The following PPP1R7 variants were observed in gnomAD, a reference collection of about 807,000 sequenced individuals.
The protein encoded by PPP1R7 is protein phosphatase 1 regulatory subunit 22.
In PPP1R7, 18 loss-of-function variants were observed where a neutral mutation model predicts 45.2. The observed-to-expected ratio is 0.40, with a 90% confidence interval of 0.28 to 0.59. PPP1R7 has a LOEUF of 0.59. PPP1R7 is among the 20% of genes least tolerant of loss of function. The probability of loss-of-function intolerance (pLI) is 0.46; values close to 1 mark genes in which losing one functional copy is unlikely to be tolerated. For missense variants in PPP1R7, 314 were observed against 455.8 expected (o/e 0.69, Z 2.83); for synonymous variants, 181 against 183.4 (o/e 0.99, Z 0.11).
chr2:241,183,159 G>A lies in PPP1R7; in HGVS notation c.*336G>A, dbSNP rs2068037456. The A allele has an allele frequency of 7.6e-6, 3 of 397,106 alleles. No individual in the cohort carries two copies. Among genetic ancestry groups the A allele is most frequent in the Non-Finnish European group, 1.5e-5 (3 of 206,314 alleles). 24.6% of individuals were successfully genotyped at this position (397,106 alleles called of 1,614,324 possible). On this transcript the variant is annotated 3_prime_UTR_variant, in exon 10 of 10. Coordinates refer to ENST00000234038, the MANE Select transcript of PPP1R7 (RefSeq NM_002712.3). ...CTACCTGAGTCGTGTGAAACACAGG[G>A]CCTGAGAGTGCTTTACAGGCATTCA...
intron 9 of PPP1R7, among the ~76,000 whole-genome samples, chr2:241,179,677 C>T (rs1237009725): frequency 6.6e-6 from 1 of 152,202 alleles, no homozygotes; most frequent in African/African-American, 2.4e-5. Context: ...GTGTGCAGAA[C>T]TTGATAAGAG....
At chr2:241,150,359 C>G, upstream of PPP1R7, 8 of 1,347,084 alleles carry the variant, frequency 5.9e-6, no homozygotes, top group Non-Finnish European at 6.7e-6. Context: ...TCCCATGAGG[C>G]GCTGGGCCCA....
At chr2:241,177,515 G>C (rs2067928463) in intron 9 of PPP1R7, among the ~76,000 whole-genome samples, 1 of 152,182 alleles carries the variant, frequency 6.6e-6, no homozygotes, top group African/African-American at 2.4e-5. Flanking sequence ...TATGTATTTT[G>C]CATGATGAAA....
At chr2:241,159,673 G>C (rs1312371520) in intron 5 of PPP1R7, among the ~76,000 whole-genome samples, 2 of 152,148 alleles carry the variant, frequency 1.3e-5, no homozygotes, top group East Asian at 3.9e-4. Flanking sequence ...ATCCAGAATT[G>C]CCTCTTGCCT....
chr2:241,149,713 G>A, upstream of PPP1R7: 1 of 1,550,772 alleles, frequency 6.4e-7, no homozygotes, highest in Non-Finnish European at 8.7e-7. Flanking sequence ...AAATGGGTGA[G>A]TAGCGCAGAG....
chr2:241,158,756 G>T (rs1011459417), intron 4 of PPP1R7: 1 of 555,516 alleles, frequency 1.8e-6, no homozygotes, highest in Non-Finnish European at 3.2e-6. Flanking sequence ...CCTGGGGCTG[G>T]CTCTCCTGAG....
chr2:241,175,329 A>G (rs550267922), intron 9 of PPP1R7, among the ~76,000 whole-genome samples: 2 of 152,292 alleles, frequency 1.3e-5, no homozygotes, highest in East Asian at 3.9e-4. Context: ...CCATTAAACA[A>G]TAACTCCCTA....
chr2:241,160,210 T>C (rs2125488825), intron 5 of PPP1R7, 122 bp from the exon 6 acceptor site: 5 of 379,070 alleles, frequency 1.3e-5, no homozygotes, highest in Non-Finnish European at 1.5e-5. Flanking sequence ...CCCCCCACCC[T>C]CTCCCACCCG....
At chr2:241,160,232 C>T (rs1349122746) in intron 5 of PPP1R7, 100 bp from the exon 6 acceptor site, 6 of 926,752 alleles carry the variant, frequency 6.5e-6, no homozygotes, top group Non-Finnish European at 9.5e-6. Flanking sequence ...TAGTGACTGC[C>T]GTCCCCTGAT....
chr2:241,158,904 G>A (rs1575387050), intron 4 of PPP1R7: 1 of 416,576 alleles, frequency 2.4e-6, no homozygotes, highest in Non-Finnish European at 4.4e-6. Flanking sequence ...AGGTTCTTAT[G>A]TTCTGCCAGG....
At chr2:241,166,529 C>T (rs996130075) in intron 8 of PPP1R7, 88 bp downstream of exon 8, 16 of 1,111,328 alleles carry the variant, frequency 1.4e-5, no homozygotes, top group Admixed American at 1.0e-4. Context: ...ACTGGCCTCT[C>T]GGGCCGGTGT....
upstream of PPP1R7, chr2:241,149,900 G>A: frequency 1.4e-6 from 2 of 1,438,512 alleles, no homozygotes; most frequent in Non-Finnish European, 9.1e-7. Context: ...CCCCACCAGC[G>A]CAAGTGCCCC....
intron 9 of PPP1R7, among the ~76,000 whole-genome samples, chr2:241,176,945 A>G (rs1471641842): frequency 6.6e-6 from 1 of 152,134 alleles, no homozygotes; most frequent in Non-Finnish European, 1.5e-5. Flanking sequence ...AAAATACCAC[A>G]TGCAGCTGGG....
chr2:241,166,650 C>T (rs1189931195), intron 8 of PPP1R7, among the ~76,000 whole-genome samples: 2 of 152,208 alleles, frequency 1.3e-5, no homozygotes, highest in African/African-American at 4.8e-5. Flanking sequence ...GCCTGTTGGC[C>T]CTCTGCCCTG....
chr2:241,174,727 T>G (rs992521355), intron 9 of PPP1R7, among the ~76,000 whole-genome samples: 2 of 151,348 alleles, frequency 1.3e-5, no homozygotes, highest in Non-Finnish European at 2.9e-5. Flanking sequence ...CAGGCTGGAG[T>G]GCAGTGGCGC....
rs569147060 is a variant in PPP1R7, at chr2:241,159,486, C to G, written c.434+143C>G. On this transcript the variant is annotated intron_variant, in intron 5 of 9. Transcript: ENST00000234038. ...CAGGGTCCTGCCCTGCATCTGAATC[C>G]CAAGTCTCTGCCTCCTGTTTTCAGG... 102 of 1,089,376 alleles carry G rather than the reference C, an allele frequency of 9.4e-5. 1 individual carries two copies. The Admixed American group carries it at 1.0e-3, about 11-fold the overall frequency. 67.5% of individuals were successfully genotyped at this position (1,089,376 alleles called of 1,614,324 possible).
At chr2:241,168,601 G>T (rs1231956634) in intron 8 of PPP1R7, among the ~76,000 whole-genome samples, 1 of 152,222 alleles carries the variant, frequency 6.6e-6, no homozygotes, top group Non-Finnish European at 1.5e-5. Flanking sequence ...CTGATACTCT[G>T]TGAGCAGACC....
chr2:241,157,829 C>T lies in PPP1R7; in HGVS notation c.204C>T (p.Asp68=). 1 of 1,614,074 alleles carries T rather than the reference C, an allele frequency of 6.2e-7. No individual in the cohort carries two copies. The highest frequency in any genetic ancestry group is 8.5e-7 in the Non-Finnish European group (1 of 1,179,918). ...DPEEEHELPV[D]METINLDRDA... is the part of the protein sequence containing the mutation. ...CAGAAGAACATGAGCTGCCTGTGGA[C>T]ATGGAAACCATCAACCTGGACAGAG... is the stretch of plus-strand genomic sequence containing the variant. The change falls in exon 3 of 10, where the codon GAC becomes GAT. Residue 68 remains aspartate, a synonymous_variant. Coordinates refer to ENST00000234038, the MANE Select transcript of PPP1R7 (RefSeq NM_002712.3).
At chr2:241,149,936 CAA>C, upstream of PPP1R7, 6 of 1,428,792 alleles carry the variant, frequency 4.2e-6, no homozygotes, top group Non-Finnish European at 4.6e-6. Context: ...CTCCGAGCGT[CAA>C]GAGAAGGCGG....
Sources: gnomAD v4.1 joint callset for allele counts (sites outside exome capture counted in the v4.1 genomes callset) on GRCh38, gnomAD v4.1.1 for gene constraint, MANE v1.5 for transcripts, NCBI Gene and HGNC (gene_info 2026-07-23, HGNC 2026-07-21) for gene names.